The following TNFSF11 variants were observed in gnomAD, a reference collection of about 807,000 sequenced individuals.
TNFSF11 encodes the protein tumor necrosis factor ligand superfamily member 11.
Under a neutral mutation model 32.2 loss-of-function variants are expected in TNFSF11, and 12 were observed. The ratio of observed to expected loss-of-function variants is 0.37; its 90% confidence interval spans 0.24 to 0.60. The LOEUF is 0.60. Among genes scored for constraint, TNFSF11 ranks in the 20% least tolerant of loss-of-function variants. The pLI, the probability that TNFSF11 is intolerant of heterozygous loss-of-function variation, is 0.66. For synonymous variants in TNFSF11, 172 were observed against 152.1 expected (o/e 1.13, Z -0.96); for missense variants, 345 against 398.0 (o/e 0.87, Z 1.13).
At chr13:42,596,065 T>A (rs1278111800) in intron 2 of TNFSF11, among the ~76,000 whole-genome samples, 1 of 152,118 alleles carries the variant, frequency 6.6e-6, no homozygotes, top group Non-Finnish European at 1.5e-5. Context: ...ATCCTGAAAA[T>A]GAAAAATATT....
chr13:42,576,679 A>G (rs1273559114), intron 1 of TNFSF11, among the ~76,000 whole-genome samples: 5 of 152,224 alleles, frequency 3.3e-5, no homozygotes, highest in Non-Finnish European at 7.3e-5. Context: ...ATGTGTTCAT[A>G]TGAATATACC....
intron 2 of TNFSF11, among the ~76,000 whole-genome samples, chr13:42,598,121 A>G (rs1213038950): frequency 6.6e-6 from 1 of 152,218 alleles, no homozygotes; most frequent in Admixed American, 6.5e-5. Context: ...TACTAGGATT[A>G]CAAGCATGAG....
rs145261115 is a variant in TNFSF11 at position 42,582,551 on chromosome 13, T to A, written c.387+1258T>A. Among the ~76,000 whole-genome samples, 10 of 152,254 alleles carry A rather than the reference T, an allele frequency of 6.6e-5. No homozygotes were observed. The East Asian group carries it at 1.5e-3, about 23-fold the overall frequency. On this transcript the variant is annotated intron_variant, in intron 2 of 4. Coordinates refer to ENST00000398795, the MANE Select transcript of TNFSF11 (RefSeq NM_003701.4). ...TCTAGTTGTATCTTAATTCCAGAGA[T>A]ATCAAAACGTTAAAAAGTTGTGCAT...
At chr13:42,590,781 A>G (rs1449737827) in intron 2 of TNFSF11, among the ~76,000 whole-genome samples, 1 of 152,220 alleles carries the variant, frequency 6.6e-6, no homozygotes, top group Non-Finnish European at 1.5e-5. Flanking sequence ...ATGAAAACCC[A>G]AGGGGACCTT....
intron 4 of TNFSF11, among the ~76,000 whole-genome samples, chr13:42,602,319 A>T (rs901020520): frequency 6.6e-6 from 1 of 152,206 alleles, no homozygotes; most frequent in Non-Finnish European, 1.5e-5. Context: ...CATAGTAAGC[A>T]CTTGGGAGTG....
chr13:42,595,684 A>G (rs1019732236), intron 2 of TNFSF11, among the ~76,000 whole-genome samples: 2 of 152,238 alleles, frequency 1.3e-5, no homozygotes, highest in African/African-American at 2.4e-5. Flanking sequence ...TTGGATGTTT[A>G]TTCAGAGTGT....
intron 2 of TNFSF11, among the ~76,000 whole-genome samples, chr13:42,600,438 G>A (rs1358732453): frequency 6.6e-6 from 1 of 152,172 alleles, no homozygotes; most frequent in Non-Finnish European, 1.5e-5. Flanking sequence ...CTCCATTTGT[G>A]TACCTGCTAC....
chr13:42,596,213 C>T (rs1248189441), intron 2 of TNFSF11, among the ~76,000 whole-genome samples: 1 of 152,090 alleles, frequency 6.6e-6, no homozygotes, highest in Non-Finnish European at 1.5e-5. Flanking sequence ...TGTCCCTTAT[C>T]CATGTCCTGC....
chr13:42,596,247 C>G (rs1473852046), intron 2 of TNFSF11, among the ~76,000 whole-genome samples: 1 of 152,102 alleles, frequency 6.6e-6, no homozygotes, highest in Non-Finnish European at 1.5e-5. Context: ...GGGGGTTCAT[C>G]AGCCAAGCCA....
At chr13:42,585,438 T>C (rs1873842998) in intron 2 of TNFSF11, among the ~76,000 whole-genome samples, 1 of 152,178 alleles carries the variant, frequency 6.6e-6, no homozygotes, top group Non-Finnish European at 1.5e-5. Flanking sequence ...AATGCTGTTT[T>C]TTTCCCCATT....
intron 1 of TNFSF11, among the ~76,000 whole-genome samples, chr13:42,566,008 C>T (rs1872856648): frequency 6.6e-6 from 1 of 152,194 alleles, no homozygotes. Context: ...GATGGGAAGT[C>T]TACCTGAGGC....
In TNFSF11 at chr13:42,595,305, T is replaced by A. The variant is rs138427916; in HGVS notation, c.388-5447T>A. 1.6e-3 allele frequency among the ~76,000 whole-genome samples: 244 copies of A among 152,362 alleles called. 1 individual carries two copies. Among genetic ancestry groups the A allele is most frequent in the Admixed American group, 2.3e-3 (35 of 15,306 alleles). On this transcript the variant is annotated intron_variant, in intron 2 of 4. Transcript: ENST00000398795. ...AAATGAAGCTATCATAATTTACTTA[T>A]CTAAAATTGCACTTATCTAAAAATG... is the stretch of plus-strand genomic sequence containing the variant.
At chr13:42,573,156 C>T (rs1355624366), upstream of TNFSF11, among the ~76,000 whole-genome samples, 10 of 151,724 alleles carry the variant, frequency 6.6e-5, no homozygotes. Flanking sequence ...CCAGACACAG[C>T]CATCCTTTTT....
upstream of TNFSF11, among the ~76,000 whole-genome samples, chr13:42,573,603 C>T (rs11839112): frequency 6.6e-6 from 1 of 152,094 alleles, no homozygotes; most frequent in Admixed American, 6.5e-5. Context: ...AGACCTGCCT[C>T]GCTCAATGTC....
At chr13:42,595,581 C>T (rs1421653088) in intron 2 of TNFSF11, among the ~76,000 whole-genome samples, 1 of 152,172 alleles carries the variant, frequency 6.6e-6, no homozygotes, top group East Asian at 1.9e-4. Flanking sequence ...GGCTTCTGCT[C>T]CAGGCTGTTC....
intron 1 of TNFSF11, among the ~76,000 whole-genome samples, chr13:42,565,594 A>G (rs1332259439): frequency 6.6e-6 from 1 of 152,216 alleles, no homozygotes; most frequent in African/African-American, 2.4e-5. Flanking sequence ...AAATAGTATG[A>G]TGTACAAGAA....
At chr13:42,580,871 A>G (rs1873570274) in intron 1 of TNFSF11, among the ~76,000 whole-genome samples, 2 of 152,284 alleles carry the variant, frequency 1.3e-5, no homozygotes, top group South Asian at 2.1e-4. Flanking sequence ...AATCACGCAC[A>G]TACACTTCTG....
intron 2 of TNFSF11, among the ~76,000 whole-genome samples, chr13:42,599,303 C>CTCTA (rs140280017): frequency 0.015 from 2,187 of 142,764 alleles, 41 homozygotes; most frequent in African/African-American, 0.018. Flanking sequence ...ATGTTATTGC[C>CTCTA]TCTATCTATC....
chr13:42,599,578 G>C (rs535079391), intron 2 of TNFSF11, among the ~76,000 whole-genome samples: 3 of 150,176 alleles, frequency 2.0e-5, no homozygotes, highest in African/African-American at 7.3e-5. Flanking sequence ...TTTTGTTTTT[G>C]TTTTGAGATG....
Sources: allele counts gnomAD v4.1 joint callset (sites outside exome capture counted in the v4.1 genomes callset), GRCh38; gene constraint gnomAD v4.1.1; transcripts MANE v1.5; gene names NCBI Gene and HGNC (gene_info 2026-07-23, HGNC 2026-07-21).